The following KLRG1 variants were observed in gnomAD, a reference collection of about 807,000 sequenced individuals.
The protein encoded by KLRG1 is killer cell lectin like receptor G1, also known as killer cell lectin-like receptor subfamily G member 1.
In KLRG1, 16 loss-of-function variants were observed where a neutral mutation model predicts 21.8. That is an observed-to-expected ratio of 0.73 (90% CI 0.50 to 1.11). The LOEUF is 1.11. KLRG1 is among the 50% of genes most tolerant of loss of function. The probability of loss-of-function intolerance (pLI) is 0.00; values close to 1 mark genes in which losing one functional copy is unlikely to be tolerated. For missense variants in KLRG1, 173 were observed against 218.3 expected (o/e 0.79, Z 1.31); for synonymous variants, 69 against 75.9 (o/e 0.91, Z 0.47).
chr12:9,213,253 T>A, the KLRG1 span, among the ~76,000 whole-genome samples: 2 of 152,236 alleles, frequency 1.3e-5, no homozygotes, highest in Non-Finnish European at 2.9e-5. Context: ...TATTCTCATT[T>A]ATTAGCTATT....
At chr12:8,989,790 A>T in intron 1 of KLRG1, 73 bp downstream of exon 1, 1 of 823,966 alleles carries the variant, frequency 1.2e-6, no homozygotes, top group Non-Finnish European at 2.0e-6. Flanking sequence ...GAGTAGAATA[A>T]GTTTAAAGCA....
the KLRG1 span, chr12:9,202,421 T>C: frequency 5.0e-6 from 8 of 1,613,496 alleles, no homozygotes; most frequent in Middle Eastern, 3.3e-4. Context: ...AGCAGGTAAT[T>C]TGGGTAATAA....
chr12:9,108,301 A>G, the KLRG1 span, among the ~76,000 whole-genome samples: 1 of 151,360 alleles, frequency 6.6e-6, no homozygotes, highest in Non-Finnish European at 1.5e-5. Context: ...AATTTTTTGT[A>G]TTTTTTAGTA....
At chr12:9,089,239 C>G in the KLRG1 span, 2 of 1,588,044 alleles carry the variant, frequency 1.3e-6, no homozygotes, top group East Asian at 4.5e-5. Flanking sequence ...GTTTCCTTCT[C>G]TAGTCCTTCA....
At chr12:9,089,280 A>G in the KLRG1 span, 1 of 1,503,792 alleles carries the variant, frequency 6.6e-7, no homozygotes, top group Middle Eastern at 1.7e-4. Context: ...AAAGCTAGTG[A>G]GAATGGACTG....
At chr12:9,122,809 C>T in the KLRG1 span, among the ~76,000 whole-genome samples, 6 of 152,044 alleles carry the variant, frequency 3.9e-5, no homozygotes, top group Non-Finnish European at 5.9e-5. Flanking sequence ...GTTATACATA[C>T]GTACTCTCAT....
chr12:8,978,873 C>A (rs1946708463), intron 1 of KLRG1, among the ~76,000 whole-genome samples: 1 of 151,824 alleles, frequency 6.6e-6, no homozygotes, highest in African/African-American at 2.4e-5. Flanking sequence ...TGCCACTGCA[C>A]CAGGCTAATT....
At chr12:9,119,467 AG>A in the KLRG1 span, among the ~76,000 whole-genome samples, 1 of 151,956 alleles carries the variant, frequency 6.6e-6, no homozygotes, top group African/African-American at 2.4e-5. Flanking sequence ...CAGCTGTTTC[AG>A]TGCCGGTGTG....
the KLRG1 span, among the ~76,000 whole-genome samples, chr12:9,033,759 T>A: frequency 6.6e-6 from 1 of 152,094 alleles, no homozygotes; most frequent in East Asian, 1.9e-4. Flanking sequence ...TAAGGTGGGG[T>A]GGCTTCAAGG....
chr12:9,076,664 A>C, the KLRG1 span: 1 of 1,146,748 alleles, frequency 8.7e-7, no homozygotes. Flanking sequence ...GAGAGGAGAC[A>C]GGGATCACAG....
At chr12:9,063,282 A>C in the KLRG1 span, among the ~76,000 whole-genome samples, 3 of 152,346 alleles carry the variant, frequency 2.0e-5, no homozygotes, top group East Asian at 3.9e-4. Flanking sequence ...TATTCTTGTC[A>C]TAACAACCCA....
At chr12:9,118,162 A>G in the KLRG1 span, among the ~76,000 whole-genome samples, 1 of 152,254 alleles carries the variant, frequency 6.6e-6, no homozygotes, top group Non-Finnish European at 1.5e-5. Flanking sequence ...TTTCATATAC[A>G]TGCAGCAGAG....
chr12:9,093,646 G>T, the KLRG1 span: 5 of 776,606 alleles, frequency 6.4e-6, no homozygotes, highest in African/African-American at 1.8e-5. Context: ...GAATGTAATA[G>T]TTGCCACCAA....
At chr12:9,111,275 T>C in the KLRG1 span, among the ~76,000 whole-genome samples, 1 of 152,172 alleles carries the variant, frequency 6.6e-6, no homozygotes, top group East Asian at 1.9e-4. Flanking sequence ...TTAATGGAGC[T>C]TATGTTATAA....
chr12:8,960,165 A>G (rs2377674), intron 1 of KLRG1, among the ~76,000 whole-genome samples: 58,482 of 152,064 alleles, frequency 0.38, 11,976 homozygotes, highest in Middle Eastern at 0.47. Flanking sequence ...AATTCCCCCT[A>G]CTTAATGCAT....
At chr12:9,112,319 T>G in the KLRG1 span, 1 of 1,598,720 alleles carries the variant, frequency 6.3e-7, no homozygotes, top group Non-Finnish European at 8.6e-7. Flanking sequence ...CTGGGGAACA[T>G]CCAGGGGAAG....
chr12:9,077,180 C>A, the KLRG1 span, among the ~76,000 whole-genome samples: 1 of 152,014 alleles, frequency 6.6e-6, no homozygotes, highest in Admixed American at 6.6e-5. Flanking sequence ...AAATTTAAAC[C>A]TTTCTTAATG....
the KLRG1 span, chr12:9,162,638 A>T: frequency 6.3e-7 from 1 of 1,593,696 alleles, no homozygotes; most frequent in Non-Finnish European, 8.6e-7. Flanking sequence ...TTCTTGCTCA[A>T]TACCTTCAGC....
the KLRG1 span, among the ~76,000 whole-genome samples, chr12:9,021,838 G>A: frequency 6.6e-6 from 1 of 152,124 alleles, no homozygotes; most frequent in African/African-American, 2.4e-5. Flanking sequence ...GCATGGAGCT[G>A]ACACCTGCTA....
Sources: allele counts gnomAD v4.1 joint callset (sites outside exome capture counted in the v4.1 genomes callset), GRCh38; gene constraint gnomAD v4.1.1; transcripts MANE v1.5; gene names NCBI Gene and HGNC (gene_info 2026-07-23, HGNC 2026-07-21).